DLG2: variants seen among roughly 807,000 people sequenced by gnomAD.
DLG2 encodes discs large MAGUK scaffold protein 2.
A neutral mutation model predicts 132.5 loss-of-function variants in DLG2; 45 were observed. The ratio of observed to expected loss-of-function variants is 0.34; its 90% confidence interval spans 0.27 to 0.44. The LOEUF (loss-of-function observed/expected upper bound fraction) is 0.44, where lower values mean the gene tolerates loss of function less well. DLG2 is among the 20% of genes least tolerant of loss of function. The pLI, the probability that DLG2 is intolerant of heterozygous loss-of-function variation, is 1.00. For missense variants in DLG2, 1,045 were observed against 1,196.9 expected (o/e 0.87, Z 1.87); for synonymous variants, 424 against 419.6 (o/e 1.01, Z -0.13).
intron 6 of DLG2, among the ~76,000 whole-genome samples, chr11:85,025,945 C>A (rs1462421830): frequency 6.6e-6 from 1 of 151,732 alleles, no homozygotes; most frequent in Non-Finnish European, 1.5e-5. Context: ...AAGTTAGAGA[C>A]CCTCTTGACA....
chr11:85,187,195 C>A (rs543441359), intron 4 of DLG2, among the ~76,000 whole-genome samples: 1 of 151,890 alleles, frequency 6.6e-6, no homozygotes, highest in African/African-American at 2.4e-5. Flanking sequence ...AGAATAAAAC[C>A]GGCAATTGCT....
At chr11:85,250,440 T>C (rs1328606554) in intron 4 of DLG2, among the ~76,000 whole-genome samples, 1 of 152,192 alleles carries the variant, frequency 6.6e-6, no homozygotes, top group Non-Finnish European at 1.5e-5. Flanking sequence ...AAATCCACTG[T>C]TTTTTAATAA....
intron 7 of DLG2, among the ~76,000 whole-genome samples, chr11:84,425,800 C>T (rs1205460715): frequency 6.6e-6 from 1 of 152,094 alleles, no homozygotes; most frequent in East Asian, 1.9e-4. Context: ...GATCTCAAAA[C>T]TGTGCATCCT....
chr11:83,565,579 G>C (rs531980136), intron 19 of DLG2, among the ~76,000 whole-genome samples: 1 of 152,164 alleles, frequency 6.6e-6, no homozygotes, highest in African/African-American at 2.4e-5. Flanking sequence ...ATTTTTCCCA[G>C]AGTATGTCTT....
At position 85,368,601 on chromosome 11, in the gene DLG2, G is replaced by A. The variant is rs141641079; in HGVS notation, c.41-83236C>T. ...CTTGTCTTCTAGAGTATAGAACGAG[G>A]TGTACTACCCAGATCTCCCAATCAG... On this transcript the variant is annotated intron_variant, in intron 3 of 27. Transcript: ENST00000376104. Among the ~76,000 whole-genome samples the A allele has an allele frequency of 5.4e-3, 817 of 152,306 alleles. 4 individuals carry two copies. Among genetic ancestry groups the A allele is most frequent in the Non-Finnish European group, 9.6e-3 (654 of 68,040 alleles).
rs557290610 is a variant in DLG2, at chr11:83,834,561, G to T, written c.1566-791C>A. On this transcript the variant is annotated intron_variant, in intron 16 of 27. Transcript: ENST00000376104. Reference sequence around the variant, plus strand: ...AGATGAGTGGAATCCAGGGTCATGAGAATGAGTATGATTTTGACACACTCA... The same window carrying T: ...AGATGAGTGGAATCCAGGGTCATGATAATGAGTATGATTTTGACACACTCA... Among the ~76,000 whole-genome samples, 4 of 152,310 alleles carry T rather than the reference G, an allele frequency of 2.6e-5. No individual in the cohort carries two copies. In the East Asian group the frequency reaches 7.7e-4, roughly 29 times the overall value.
intron 14 of DLG2, among the ~76,000 whole-genome samples, chr11:83,950,154 T>C (rs1280717704): frequency 6.6e-6 from 1 of 152,236 alleles, no homozygotes; most frequent in Non-Finnish European, 1.5e-5. Context: ...AATTAACCAA[T>C]GTATATCAAA....
intron 16 of DLG2, among the ~76,000 whole-genome samples, chr11:83,855,695 T>C (rs1372774418): frequency 3.9e-5 from 6 of 152,108 alleles, no homozygotes; most frequent in African/African-American, 7.2e-5. Context: ...TAAAAGAAGA[T>C]ACAATTTTTA....
At chr11:83,873,497 T>G (rs1376722824) in intron 16 of DLG2, among the ~76,000 whole-genome samples, 1 of 152,178 alleles carries the variant, frequency 6.6e-6, no homozygotes, top group Non-Finnish European at 1.5e-5. Context: ...GCTCTCATTC[T>G]CTTTCTTGCT....
At chr11:84,983,908 A>G (rs1037638190) in intron 6 of DLG2, among the ~76,000 whole-genome samples, 2 of 152,182 alleles carry the variant, frequency 1.3e-5, no homozygotes, top group African/African-American at 4.8e-5. Context: ...TTCAGAGCTC[A>G]AAGACAAGGT....
chr11:85,398,010 T>C (rs901482762), intron 3 of DLG2, among the ~76,000 whole-genome samples: 8 of 152,158 alleles, frequency 5.3e-5, no homozygotes, highest in African/African-American at 1.7e-4. Flanking sequence ...TATTCTAAAA[T>C]TGACCACATA....
intron 3 of DLG2, among the ~76,000 whole-genome samples, chr11:85,384,037 G>A (rs1052429542): frequency 1.3e-5 from 2 of 152,052 alleles, no homozygotes; most frequent in African/African-American, 4.8e-5. Context: ...CTGTCTCCTA[G>A]TTAATACTCC....
intron 11 of DLG2, among the ~76,000 whole-genome samples, chr11:84,043,906 T>C (rs980756200): frequency 3.3e-5 from 5 of 151,778 alleles, no homozygotes; most frequent in African/African-American, 1.2e-4. Context: ...TTCAGCACTT[T>C]TTAATTGAAT....
chr11:84,265,674 A>G (rs1378100731), intron 7 of DLG2, among the ~76,000 whole-genome samples: 1 of 152,166 alleles, frequency 6.6e-6, no homozygotes, highest in Non-Finnish European at 1.5e-5. Context: ...TAACAAGATA[A>G]ATAAATATAA....
Position 85,199,941 on chromosome 11 carries a change from A to AC in DLG2, c.187-45291dup, listed in dbSNP as rs568243794. ...ATTTTTGTAGTGAGACCCAGGAATT[A>AC]CTTTTTTTTTTTTTTTAAGTTTTCC... is the stretch of plus-strand genomic sequence containing the variant. On this transcript the variant is annotated intron_variant, in intron 4 of 27. Transcript: ENST00000376104. Among the ~76,000 whole-genome samples the AC allele has an allele frequency of 4.4e-3, 653 of 148,348 alleles. 2 individuals carry two copies. The highest frequency in any genetic ancestry group is 5.0e-3 in the Non-Finnish European group (339 of 67,358).
chr11:83,546,925 A>T (rs1193760821), intron 19 of DLG2, among the ~76,000 whole-genome samples: 1 of 152,126 alleles, frequency 6.6e-6, no homozygotes, highest in Admixed American at 6.6e-5. Flanking sequence ...CAACATGTTC[A>T]ATGTCATGCC....
chr11:84,406,374 A>G (rs749499035), intron 7 of DLG2, among the ~76,000 whole-genome samples: 3 of 152,166 alleles, frequency 2.0e-5, no homozygotes, highest in Non-Finnish European at 4.4e-5. Context: ...GCTGGAGTGC[A>G]GTGGCATAAA....
intron 6 of DLG2, among the ~76,000 whole-genome samples, chr11:84,993,978 T>C (rs992015737): frequency 6.6e-6 from 1 of 152,136 alleles, no homozygotes; most frequent in Non-Finnish European, 1.5e-5. Flanking sequence ...CCGTGGCACA[T>C]GTAAACCTAG....
intron 18 of DLG2, among the ~76,000 whole-genome samples, chr11:83,703,367 C>T (rs1020644140): frequency 6.6e-5 from 10 of 152,110 alleles, no homozygotes; most frequent in South Asian, 4.1e-4. Context: ...TTTCAACAAA[C>T]GGCCGGGCCT....
Sources: gnomAD v4.1 joint callset for allele counts (sites outside exome capture counted in the v4.1 genomes callset) on GRCh38, gnomAD v4.1.1 for gene constraint, MANE v1.5 for transcripts, NCBI Gene and HGNC (gene_info 2026-07-23, HGNC 2026-07-21) for gene names.